Variants in CHIC2 observed in about 807,000 individuals in gnomAD.
CHIC2 encodes the protein cysteine-rich hydrophobic domain-containing protein 2.
Under a neutral mutation model 25.9 loss-of-function variants are expected in CHIC2, and 14 were observed. That is an observed-to-expected ratio of 0.54 (90% CI 0.36 to 0.85). The LOEUF (loss-of-function observed/expected upper bound fraction) is 0.85. CHIC2 is among the 40% of genes least tolerant of loss of function. CHIC2 has a pLI of 0.01. For synonymous variants in CHIC2, 70 were observed against 72.0 expected (o/e 0.97, Z 0.14); for missense variants, 146 against 202.0 (o/e 0.72, Z 1.68).
upstream of CHIC2, chr4:54,065,447 AG>A (rs138047959): frequency 2.2e-3 from 656 of 301,218 alleles, 1 homozygote; most frequent in African/African-American, 0.014. Context: ...CCTGAAAGAA[AG>A]GGCAGAGGAG....
At chr4:54,047,510 G>A (rs1438445533) in intron 3 of CHIC2, among the ~76,000 whole-genome samples, 2 of 152,022 alleles carry the variant, frequency 1.3e-5, no homozygotes, top group African/African-American at 2.4e-5. Flanking sequence ...GGACATGGAT[G>A]AAGCTGGAAA....
At chr4:54,061,424 T>C (rs1440003149) in intron 1 of CHIC2, among the ~76,000 whole-genome samples, 2 of 152,172 alleles carry the variant, frequency 1.3e-5, no homozygotes, top group Non-Finnish European at 2.9e-5. Flanking sequence ...GATTGATCTA[T>C]ATCCTTCTAG....
chr4:54,087,870 C>T, the CHIC2 span: 35 of 294,164 alleles, frequency 1.2e-4, no homozygotes, highest in East Asian at 2.2e-3. Context: ...AATGGATATT[C>T]TTTAACATTG....
intron 1 of CHIC2, among the ~76,000 whole-genome samples, chr4:54,057,222 T>C (rs1328231660): frequency 2.0e-5 from 3 of 151,694 alleles, no homozygotes; most frequent in Admixed American, 2.0e-4. Flanking sequence ...TCCTTTAATC[T>C]AGAGATCAAC....
At chr4:54,091,317 C>T in the CHIC2 span, among the ~76,000 whole-genome samples, 1 of 152,130 alleles carries the variant, frequency 6.6e-6, no homozygotes, top group Admixed American at 6.5e-5. Flanking sequence ...CACTGGGCTG[C>T]GCCCGTAGCG....
At chr4:54,027,311 A>T (rs926064091) in intron 3 of CHIC2, among the ~76,000 whole-genome samples, 1 of 152,208 alleles carries the variant, frequency 6.6e-6, no homozygotes, top group Admixed American at 6.5e-5. Context: ...GCATTCTAGC[A>T]TATCTTTACA....
At chr4:54,080,356 AG>A in the CHIC2 span, among the ~76,000 whole-genome samples, 1 of 152,096 alleles carries the variant, frequency 6.6e-6, no homozygotes, top group Non-Finnish European at 1.5e-5. Context: ...TCACAGAGGC[AG>A]AAAGTAGAAT....
chr4:54,087,742 G>T, the CHIC2 span: 1 of 505,544 alleles, frequency 2.0e-6, no homozygotes, highest in South Asian at 4.6e-5. Flanking sequence ...TACTGGCGGT[G>T]ATTACAAAGT....
intron 1 of CHIC2, among the ~76,000 whole-genome samples, chr4:54,062,842 A>G (rs1052339169): frequency 1.3e-5 from 2 of 152,260 alleles, no homozygotes; most frequent in African/African-American, 4.8e-5. Flanking sequence ...ATTCTGTGAT[A>G]TATGTTAAAA....
At chr4:54,078,315 A>T in the CHIC2 span, among the ~76,000 whole-genome samples, 1 of 152,214 alleles carries the variant, frequency 6.6e-6, no homozygotes, top group African/African-American at 2.4e-5. Context: ...AGAGCAGTCC[A>T]GTCAGATTTA....
intron 1 of CHIC2, among the ~76,000 whole-genome samples, chr4:54,063,708 C>G (rs1717405070): frequency 6.6e-6 from 1 of 152,238 alleles, no homozygotes; most frequent in African/African-American, 2.4e-5. Flanking sequence ...ACTGGGAGAC[C>G]TGTGGGTATG....
chr4:54,069,843 A>G, the CHIC2 span, among the ~76,000 whole-genome samples: 1 of 152,226 alleles, frequency 6.6e-6, no homozygotes, highest in Non-Finnish European at 1.5e-5. Context: ...TTTGCATTGA[A>G]TGCTTCTCAT....
intron 3 of CHIC2, among the ~76,000 whole-genome samples, chr4:54,033,622 T>C (rs1166977588): frequency 1.3e-5 from 2 of 152,130 alleles, no homozygotes; most frequent in Non-Finnish European, 2.9e-5. Flanking sequence ...AGGATTTTTC[T>C]CCTATGTTTT....
chr4:54,047,020 T>C (rs1450194437), intron 3 of CHIC2, among the ~76,000 whole-genome samples: 2 of 152,200 alleles, frequency 1.3e-5, no homozygotes, highest in East Asian at 3.8e-4. Context: ...AAAGAAGACA[T>C]TTATGCAGCC....
At chr4:54,024,236 A>G (rs946821202) in intron 3 of CHIC2, among the ~76,000 whole-genome samples, 1 of 152,070 alleles carries the variant, frequency 6.6e-6, no homozygotes, top group Non-Finnish European at 1.5e-5. Flanking sequence ...AACCTCTTCC[A>G]TGTAGGTTAC....
At chr4:54,027,204 G>A (rs771559123) in intron 3 of CHIC2, among the ~76,000 whole-genome samples, 3 of 152,120 alleles carry the variant, frequency 2.0e-5, no homozygotes, top group Admixed American at 2.0e-4. Flanking sequence ...CAGAAGATAG[G>A]TGCAAATCCT....
the CHIC2 span, among the ~76,000 whole-genome samples, chr4:54,081,771 A>T: frequency 6.6e-6 from 1 of 152,236 alleles, no homozygotes; most frequent in East Asian, 1.9e-4. Context: ...TATGTTGCCC[A>T]AGATGGTCTC....
At chr4:54,013,516 G>A (rs1715649856) in intron 5 of CHIC2, among the ~76,000 whole-genome samples, 1 of 152,098 alleles carries the variant, frequency 6.6e-6, no homozygotes, top group African/African-American at 2.4e-5. Flanking sequence ...TATCTGACTT[G>A]CTGCGTAACC....
upstream of CHIC2, among the ~76,000 whole-genome samples, chr4:54,066,729 G>A (rs1330865411): frequency 6.6e-6 from 1 of 151,646 alleles, no homozygotes; most frequent in Non-Finnish European, 1.5e-5. Flanking sequence ...CAGCTCAAGC[G>A]ATCCTCCCTC....
Sources: gnomAD v4.1 joint callset for allele counts (sites outside exome capture counted in the v4.1 genomes callset) on GRCh38, gnomAD v4.1.1 for gene constraint, MANE v1.5 for transcripts, NCBI Gene and HGNC (gene_info 2026-07-23, HGNC 2026-07-21) for gene names.